Variants in TRPM3 observed in about 807,000 individuals in gnomAD.
TRPM3 encodes the protein transient receptor potential cation channel subfamily M member 3.
TRPM3 carries 77 observed loss-of-function variants against 181.2 expected under a neutral mutation model. The ratio of observed to expected loss-of-function variants is 0.42; its 90% CI spans 0.35 to 0.51. The LOEUF (loss-of-function observed/expected upper bound fraction) is 0.51, where lower values mean the gene tolerates loss of function less well. TRPM3 is among the 20% of genes least tolerant of loss of function. The pLI is 0.01. For missense variants in TRPM3, 1,759 were observed against 2,196.7 expected (o/e 0.80, Z 3.98); for synonymous variants, 745 against 796.4 (o/e 0.94, Z 1.09).
At chr9:70,812,392 G>A (rs2092198035) in intron 6 of TRPM3, among the ~76,000 whole-genome samples, 1 of 152,154 alleles carries the variant, frequency 6.6e-6, no homozygotes. Context: ...CTTCTCATAA[G>A]AATGTACTCA....
At chr9:71,314,003 TC>T in intron 1 of TRPM3, among the ~76,000 whole-genome samples, 1 of 152,292 alleles carries the variant, frequency 6.6e-6, no homozygotes. Flanking sequence ...ATTGTAAAAT[TC>T]TTTTCCATGT....
At chr9:70,660,932 G>A (rs140108222) in intron 9 of TRPM3, among the ~76,000 whole-genome samples, 31 of 152,068 alleles carry the variant, frequency 2.0e-4, no homozygotes, top group Non-Finnish European at 3.5e-4. Context: ...TACATCATTC[G>A]ATGAGGCCAG....
intron 1 of TRPM3, among the ~76,000 whole-genome samples, chr9:71,197,932 A>G (rs2131707078): frequency 6.6e-6 from 1 of 151,310 alleles, no homozygotes; most frequent in South Asian, 2.1e-4. Flanking sequence ...TGTTTCAGAC[A>G]TGAAGTCCTT....
At chr9:71,324,898 C>T (rs1337995155) in intron 1 of TRPM3, among the ~76,000 whole-genome samples, 2 of 151,688 alleles carry the variant, frequency 1.3e-5, no homozygotes, top group Non-Finnish European at 2.9e-5. Flanking sequence ...AATTTGAATA[C>T]ATGGAGGTAG....
At chr9:70,983,116 C>T (rs1007428352) in intron 1 of TRPM3, among the ~76,000 whole-genome samples, 1 of 152,036 alleles carries the variant, frequency 6.6e-6, no homozygotes, top group African/African-American at 2.4e-5. Flanking sequence ...CTCCATATTG[C>T]CAAATCCACC....
At chr9:71,320,939 T>G (rs2089166388) in intron 1 of TRPM3, among the ~76,000 whole-genome samples, 1 of 151,950 alleles carries the variant, frequency 6.6e-6, no homozygotes, top group African/African-American at 2.4e-5. Flanking sequence ...TTGACATCGC[T>G]CTCTCCCTCA....
At chr9:70,599,345 G>A (rs1564498869) in intron 20 of TRPM3, among the ~76,000 whole-genome samples, 1 of 151,962 alleles carries the variant, frequency 6.6e-6, no homozygotes, top group Non-Finnish European at 1.5e-5. Flanking sequence ...GCACCCTTAG[G>A]AGTTGTTCAA....
intron 18 of TRPM3, among the ~76,000 whole-genome samples, chr9:70,613,474 T>G (rs1381243460): frequency 6.6e-6 from 1 of 152,194 alleles, no homozygotes; most frequent in Admixed American, 6.5e-5. Flanking sequence ...ACACAGAAGC[T>G]CAAATATCAA....
intron 1 of TRPM3, among the ~76,000 whole-genome samples, chr9:71,033,238 A>C (rs1268895222): frequency 6.6e-6 from 1 of 152,256 alleles, no homozygotes; most frequent in Admixed American, 6.5e-5. Context: ...GCCAGACTAA[A>C]GCGTCCTAAG....
At position 70,761,407 on chromosome 9, in the gene TRPM3, T is replaced by A. The variant is rs531336688; in HGVS notation, c.1272+194A>T. The A allele has an allele frequency of 5.0e-4, 373 of 743,162 alleles. 16 individuals are homozygous for A. In the South Asian group the frequency reaches 5.1e-3, roughly 10 times the overall value. 46.0% of individuals were successfully genotyped at this position (743,162 alleles called of 1,614,324 possible). A position where few individuals can be genotyped will look rare whatever the true frequency, so the allele number is the denominator to read the frequency against. ...ATGCTAAAACTCTGCTGCACACACC[T>A]TATTAACTCGAAGGCAGTAAAAGCA... On this transcript the variant is annotated intron_variant, in intron 8 of 25. Coordinates refer to ENST00000677713, the MANE Select transcript of TRPM3 (RefSeq NM_001366145.2).
At chr9:70,851,253 T>C (rs767775866) in intron 3 of TRPM3, among the ~76,000 whole-genome samples, 16 of 152,224 alleles carry the variant, frequency 1.1e-4, no homozygotes, top group Non-Finnish European at 2.1e-4. Flanking sequence ...ACATACATGC[T>C]GTGAGATCCA....
At chr9:70,993,814 G>C (rs1188685716) in intron 1 of TRPM3, among the ~76,000 whole-genome samples, 2 of 145,780 alleles carry the variant, frequency 1.4e-5, no homozygotes, top group Non-Finnish European at 3.0e-5. Flanking sequence ...AAGAAAGAAA[G>C]AAAGAAAGAA....
intron 8 of TRPM3, among the ~76,000 whole-genome samples, chr9:70,743,343 T>G (rs1424019696): frequency 6.6e-6 from 1 of 152,202 alleles, no homozygotes; most frequent in Non-Finnish European, 1.5e-5. Flanking sequence ...ATATTTTTCT[T>G]CAAATTAATT....
intron 1 of TRPM3, among the ~76,000 whole-genome samples, chr9:70,865,155 G>A (rs1042028001): frequency 1.3e-5 from 2 of 151,708 alleles, no homozygotes; most frequent in Admixed American, 1.3e-4. Context: ...ATTTTTTCTT[G>A]TGCGCCCCAC....
At chr9:70,565,655 G>A (rs2050388709) in intron 22 of TRPM3, among the ~76,000 whole-genome samples, 1 of 151,854 alleles carries the variant, frequency 6.6e-6, no homozygotes, top group South Asian at 2.1e-4. Flanking sequence ...GGTGGGGGCG[G>A]GGGCGGGCCA....
chr9:70,679,212 T>C (rs1291411882), intron 9 of TRPM3, among the ~76,000 whole-genome samples: 1 of 152,228 alleles, frequency 6.6e-6, no homozygotes, highest in Non-Finnish European at 1.5e-5. Flanking sequence ...CATATTGCAA[T>C]TGCATATTGT....
chr9:71,427,889 C>T (rs1371768770), intron 1 of TRPM3, among the ~76,000 whole-genome samples: 2 of 151,978 alleles, frequency 1.3e-5, no homozygotes, highest in Non-Finnish European at 2.9e-5. Context: ...AACAAACCTG[C>T]ACACGTACCC....
rs559799374 is a variant in TRPM3 at position 71,237,044 on chromosome 9, C to A, written c.183+209609G>T. On this transcript the variant is annotated intron_variant, in intron 1 of 24. Transcript: ENST00000357533. ...CCTGGGCGATAGAGCAAGACTCCAT[C>A]AAAAAAAAAAAAAAAAGGGGGGGGG... 2.0e-3 allele frequency among the ~76,000 whole-genome samples: 183 copies of A among 92,708 alleles called. 1 individual carries two copies. Among genetic ancestry groups the A allele is most frequent in the East Asian group, 3.7e-3 (10 of 2,704 alleles). The allele number at this position is 92,708 out of a possible 152,430, so 60.8% of individuals were successfully genotyped here. A position where few individuals can be genotyped will look rare whatever the true frequency, so the allele number is the denominator to read the frequency against.
At position 71,282,399 on chromosome 9, in the gene TRPM3, AG is replaced by A. The variant is rs1409905683; in HGVS notation, c.183+164253del. ...AGAAAGAAAGAAAGGAAAGAAAGAA[AG>A]GAAAAGAAAGAAAAAGAAAAAGAAA... On this transcript the variant is annotated intron_variant, in intron 1 of 24. Coordinates refer to the TRPM3 transcript ENST00000357533. 1.6e-5 allele frequency among the ~76,000 whole-genome samples: 2 copies of A among 122,880 alleles called. 1 individual carries two copies. The highest frequency in any genetic ancestry group is 7.6e-5 in the African/African-American group (2 of 26,196). The allele number at this position is 122,880 out of a possible 152,430, so 80.6% of individuals were successfully genotyped here. A position where few individuals can be genotyped will look rare whatever the true frequency, so the allele number is the denominator to read the frequency against.
Sources: gnomAD v4.1 joint callset for allele counts (sites outside exome capture counted in the v4.1 genomes callset) on GRCh38, gnomAD v4.1.1 for gene constraint, MANE v1.5 for transcripts, NCBI Gene and HGNC (gene_info 2026-07-23, HGNC 2026-07-21) for gene names.